RGS6: variants seen among roughly 807,000 people sequenced by gnomAD.
RGS6 encodes the protein regulator of G-protein signaling 6.
Under a neutral mutation model 78.5 loss-of-function variants are expected in RGS6, and 30 were observed. That is an observed-to-expected ratio of 0.38 (90% CI 0.29 to 0.52). The LOEUF (loss-of-function observed/expected upper bound fraction) is 0.52. Among genes scored for constraint, RGS6 ranks in the 20% least tolerant of loss-of-function variants. The pLI is 0.85. For missense variants in RGS6, 495 were observed against 609.7 expected, an observed-to-expected ratio of 0.81 and a Z score of 1.98; for synonymous variants, 206 against 206.0, an observed-to-expected ratio of 1.00 and a Z score of 0.00.
At chr14:72,616,069 GGACCATCATCATGCCAGAC>G in the RGS6 span, among the ~76,000 whole-genome samples, 1 of 152,122 alleles carries the variant, frequency 6.6e-6, no homozygotes, top group African/African-American at 2.4e-5. Context: ...CATGGAGTGG[GGACCATCATCATGCCAGAC>G]CCGGGCCAGG....
At chr14:72,199,311 T>C (rs1161979094) in intron 2 of RGS6, among the ~76,000 whole-genome samples, 2 of 152,218 alleles carry the variant, frequency 1.3e-5, no homozygotes, top group African/African-American at 4.8e-5. Flanking sequence ...ACTGGCTTCG[T>C]ATTTAGTTTT....
chr14:72,532,518 T>G (rs1275131998), intron 15 of RGS6, among the ~76,000 whole-genome samples: 1 of 152,190 alleles, frequency 6.6e-6, no homozygotes, highest in African/African-American at 2.4e-5. Context: ...AATCAAAAAC[T>G]GGAAATGATT....
At chr14:72,387,317 A>G (rs1263589476) in intron 3 of RGS6, among the ~76,000 whole-genome samples, 1 of 152,180 alleles carries the variant, frequency 6.6e-6, no homozygotes, top group Non-Finnish European at 1.5e-5. Context: ...TGGGAGGCCA[A>G]GGTGGGCGGA....
In RGS6 at chr14:72,565,138, C is replaced by T. The variant is rs1291633885; in HGVS notation, c.*2671C>T. On this transcript the variant is annotated 3_prime_UTR_variant, in exon 18 of 18. Coordinates refer to ENST00000553525, the MANE Select transcript of RGS6 (RefSeq NM_001204424.2). ...CAATTCTGTAGCAAAGCAAATTCCC[C>T]TACCCCGTCCCTTCCCCCTAGAAGC... 1 of 152,308 alleles carries T rather than the reference C, an allele frequency of 6.6e-6. No homozygotes were observed. Among genetic ancestry groups the T allele is most frequent in the East Asian group, 1.9e-4 (1 of 5,192 alleles). 9.4% of individuals were successfully genotyped at this position (152,308 alleles called of 1,614,324 possible). A position where few individuals can be genotyped will look rare whatever the true frequency, so the allele number is the denominator to read the frequency against.
rs574266115 is a variant in RGS6 at position 71,952,600 on chromosome 14, C to T, written c.-20-12172C>T. 2.2e-4 allele frequency among the ~76,000 whole-genome samples: 33 copies of T among 152,010 alleles called. 1 individual carries two copies. Among genetic ancestry groups the T allele is most frequent in the South Asian group, 1.9e-3 (9 of 4,794 alleles). ...GGTATGAGTAAAACTGTAAAACCCC[C>T]GAGAACCTATTCAATTGTTATTTCT... On this transcript the variant is annotated intron_variant, in intron 1 of 17. Transcript: ENST00000553525.
At chr14:72,390,672 C>G (rs1286972494) in intron 3 of RGS6, among the ~76,000 whole-genome samples, 1 of 152,130 alleles carries the variant, frequency 6.6e-6, no homozygotes, top group African/African-American at 2.4e-5. Flanking sequence ...GAAAAAACCA[C>G]TTACCATGAT....
At position 72,562,799 on chromosome 14, in the gene RGS6, A is replaced by G. The variant is rs761779616; in HGVS notation, c.*332A>G. 54 of 1,452,034 alleles carry G rather than the reference A, an allele frequency of 3.7e-5. No homozygotes were observed. The Admixed American group carries it at 5.1e-4, about 14-fold the overall frequency. The allele number at this position is 1,452,034 out of a possible 1,614,324, so 89.9% of individuals were successfully genotyped here. A position where few individuals can be genotyped will look rare whatever the true frequency, so the allele number is the denominator to read the frequency against. On this transcript the variant is annotated 3_prime_UTR_variant, in exon 18 of 18. Transcript: ENST00000553525. ...ACGTCGTGGGGTTCCTGTCACGACT[A>G]TCACTTGAGATTATATTATTATCCT...
chr14:72,067,010 CATAGTTTTCCATGGTGT>C (rs2153448333), intron 2 of RGS6, among the ~76,000 whole-genome samples: 1 of 152,188 alleles, frequency 6.6e-6, no homozygotes, highest in East Asian at 1.9e-4. Flanking sequence ...TTTATGGCTG[CATAGTTTTCCATGGTGT>C]ATATGTGCCA....
chr14:72,280,678 T>G (rs556732443), intron 2 of RGS6, among the ~76,000 whole-genome samples: 6 of 152,344 alleles, frequency 3.9e-5, no homozygotes, highest in African/African-American at 1.2e-4. Context: ...TTTTATTATT[T>G]AATCTCTCAC....
intron 3 of RGS6, among the ~76,000 whole-genome samples, chr14:72,397,628 C>T (rs1014373037): frequency 2.0e-5 from 3 of 152,068 alleles, no homozygotes; most frequent in Non-Finnish European, 2.9e-5. Flanking sequence ...GTCTTGTGCC[C>T]GTTTCCAAAG....
chr14:72,536,161 G>C (rs1340967649), intron 15 of RGS6, 25 bp from the exon 16 acceptor site: 2 of 1,572,500 alleles, frequency 1.3e-6, no homozygotes, highest in Non-Finnish European at 1.8e-6. Flanking sequence ...CCTTCCTTGT[G>C]TCTCCTTGTC....
Position 72,410,477 on chromosome 14 carries a change from C to G in RGS6, c.185-44051C>G, listed in dbSNP as rs572117911. 3.1e-4 allele frequency among the ~76,000 whole-genome samples: 47 copies of G among 152,274 alleles called. No homozygotes were observed. In the South Asian group the frequency reaches 9.5e-3, roughly 31 times the overall value. The stretch of plus-strand genomic sequence containing the variant: ...TAGATTCTGGATATTAGCCCTTTGT[C>G]AGATGAATAGGTTGCAAACATTTTC... On this transcript the variant is annotated intron_variant, in intron 3 of 17. Coordinates refer to ENST00000553525, the MANE Select transcript of RGS6 (RefSeq NM_001204424.2).
At chr14:72,158,090 T>TA (rs1160268093) in intron 2 of RGS6, among the ~76,000 whole-genome samples, 1 of 152,050 alleles carries the variant, frequency 6.6e-6, no homozygotes, top group Non-Finnish European at 1.5e-5. Flanking sequence ...AGAGTTGCCA[T>TA]AAAAAAATAG....
At chr14:72,179,214 T>G (rs1201282357) in intron 2 of RGS6, among the ~76,000 whole-genome samples, 1 of 152,204 alleles carries the variant, frequency 6.6e-6, no homozygotes, top group Non-Finnish European at 1.5e-5. Flanking sequence ...CAAGTTAATC[T>G]CCTTTGCCCC....
At chr14:72,082,670 T>C (rs915651213) in intron 2 of RGS6, among the ~76,000 whole-genome samples, 2 of 152,012 alleles carry the variant, frequency 1.3e-5, no homozygotes, top group African/African-American at 2.4e-5. Context: ...CAATTATAAA[T>C]AAAAAATTAT....
chr14:72,432,062 G>A (rs1489060940), intron 3 of RGS6, among the ~76,000 whole-genome samples: 1 of 152,188 alleles, frequency 6.6e-6, no homozygotes, highest in East Asian at 1.9e-4. Flanking sequence ...TCCAACAGTA[G>A]AAGCTAGAAA....
At position 72,316,599 on chromosome 14, in the gene RGS6, G is replaced by T. The variant is rs577576463; in HGVS notation, c.85-35496G>T. Among the ~76,000 whole-genome samples, 6 of 152,276 alleles carry T rather than the reference G, an allele frequency of 3.9e-5. No individual in the cohort carries two copies. In the South Asian group the frequency reaches 8.3e-4, roughly 21 times the overall value. On this transcript the variant is annotated intron_variant, in intron 2 of 17. Coordinates refer to ENST00000553525, the MANE Select transcript of RGS6 (RefSeq NM_001204424.2). Reference sequence around the variant, plus strand: ...TTTTATGGCTGCATAGTATTCCATGGTGTATATGTGCCACATTTTCTTAAT... The same window carrying T: ...TTTTATGGCTGCATAGTATTCCATGTTGTATATGTGCCACATTTTCTTAAT...
At chr14:72,128,741 A>T (rs1358475699) in intron 2 of RGS6, among the ~76,000 whole-genome samples, 1 of 152,166 alleles carries the variant, frequency 6.6e-6, no homozygotes, top group Non-Finnish European at 1.5e-5. Flanking sequence ...AGATGCCCGG[A>T]AACATGTGGT....
chr14:72,132,399 C>A (rs1458065339), intron 2 of RGS6, among the ~76,000 whole-genome samples: 1 of 151,950 alleles, frequency 6.6e-6, no homozygotes, highest in East Asian at 1.9e-4. Context: ...TGAACTCGGC[C>A]TCCCACGTAG....
Sources: gnomAD v4.1 joint callset for allele counts (sites outside exome capture counted in the v4.1 genomes callset) on GRCh38, gnomAD v4.1.1 for gene constraint, MANE v1.5 for transcripts, NCBI Gene and HGNC (gene_info 2026-07-23, HGNC 2026-07-21) for gene names.